Variants in NANS observed in about 807,000 individuals in gnomAD.
The protein encoded by NANS is N-acetylneuraminate-9-phosphate synthase.
In NANS, 29 loss-of-function variants were observed where a neutral mutation model predicts 33.3. The observed-to-expected ratio is 0.87, with a 90% confidence interval of 0.65 to 1.19. The LOEUF (loss-of-function observed/expected upper bound fraction) is 1.19. Ranked by LOEUF, NANS falls within the 50% of genes most tolerant of loss-of-function variation. The pLI is 0.00. For synonymous variants in NANS, 163 were observed against 177.2 expected, an observed-to-expected ratio of 0.92 and a Z score of 0.64; for missense variants, 394 against 461.1, an observed-to-expected ratio of 0.85 and a Z score of 1.33.
chr9:98,068,360 G>A (rs1275007489), intron 2 of NANS, among the ~76,000 whole-genome samples: 4 of 151,522 alleles, frequency 2.6e-5, no homozygotes, highest in South Asian at 4.2e-4. Context: ...GGCTGGTCTC[G>A]AACTCCTGAT....
chr9:98,077,143 A>G, intron 3 of NANS, 126 bp downstream of exon 3: 1 of 712,582 alleles, frequency 1.4e-6, no homozygotes, highest in South Asian at 2.0e-5. Context: ...CATTTTTTTA[A>G]ATAGAGATAG....
chr9:98,077,090 C>T (rs1423566409), intron 3 of NANS, 73 bp downstream of exon 3: 3 of 1,080,850 alleles, frequency 2.8e-6, no homozygotes, highest in Non-Finnish European at 4.0e-6. Context: ...TCATGGTGGC[C>T]CACTTTCAGC....
At chr9:98,082,475 T>C (rs532119211) in intron 5 of NANS, among the ~76,000 whole-genome samples, 1 of 152,366 alleles carries the variant, frequency 6.6e-6, no homozygotes, top group South Asian at 2.1e-4. Flanking sequence ...GAGCATTCTA[T>C]GTTCCACGTA....
chr9:98,058,050 G>A (rs986976123), intron 1 of NANS, among the ~76,000 whole-genome samples: 1 of 150,218 alleles, frequency 6.7e-6, no homozygotes, highest in African/African-American at 2.5e-5. Flanking sequence ...AGCCTCCCGA[G>A]TAGCTGGGAC....
intron 1 of NANS, among the ~76,000 whole-genome samples, chr9:98,057,921 G>GTTTTTT (rs1491129722): frequency 2.3e-5 from 2 of 87,476 alleles, no homozygotes; most frequent in Admixed American, 2.6e-4. Context: ...TTTTTTTCCT[G>GTTTTTT]GTTTTTTTTT....
At chr9:98,082,751 T>G in intron 5 of NANS, 95 bp from the exon 6 acceptor site, 1 of 1,205,576 alleles carries the variant, frequency 8.3e-7, no homozygotes, top group South Asian at 1.4e-5. Context: ...AGGTACTGCC[T>G]GGGGAAGACT....
Position 98,064,500 on chromosome 9 carries a change from C to T in NANS, c.348+3503C>T, listed in dbSNP as rs980684182. 4.2e-4 allele frequency among the ~76,000 whole-genome samples: 64 copies of T among 152,150 alleles called. 2 individuals carry two copies. The highest frequency in any genetic ancestry group is 1.3e-4 in the Non-Finnish European group (9 of 68,022). On this transcript the variant is annotated intron_variant, in intron 2 of 5. Transcript: ENST00000210444. ...TGAACTCCTGACCTTCAGTGATCCG[C>T]CTGCCTCGGCCTCCCAAAGTTCTGG...
chr9:98,071,322 G>C (rs1165040119), intron 2 of NANS, among the ~76,000 whole-genome samples: 3 of 152,206 alleles, frequency 2.0e-5, no homozygotes, highest in Admixed American at 6.5e-5. Flanking sequence ...CCATACCCGG[G>C]CTATATGGCC....
intron 2 of NANS, among the ~76,000 whole-genome samples, chr9:98,070,297 T>G (rs1418507242): frequency 6.6e-6 from 1 of 152,136 alleles, no homozygotes; most frequent in Non-Finnish European, 1.5e-5. Context: ...TTTGTATTTT[T>G]AGTAGAGACG....
intron 2 of NANS, chr9:98,075,533 C>T (rs918152923): frequency 2.6e-5 from 4 of 151,780 alleles, no homozygotes; most frequent in Non-Finnish European, 4.4e-5. Flanking sequence ...GTCGGTCCGT[C>T]GGTCCTAGAC....
At chr9:98,062,306 G>A (rs1829006855) in intron 2 of NANS, among the ~76,000 whole-genome samples, 1 of 151,984 alleles carries the variant, frequency 6.6e-6, no homozygotes, top group Admixed American at 6.6e-5. Flanking sequence ...CACTGGCACT[G>A]TCCAGAAGGG....
intron 5 of NANS, 59 bp from the exon 6 acceptor site, chr9:98,082,787 A>T (rs1431268367): frequency 1.8e-5 from 27 of 1,533,082 alleles, no homozygotes; most frequent in Non-Finnish European, 2.3e-5. Context: ...GTGTAAAGTA[A>T]AGTAGTGTGC....
intron 2 of NANS, among the ~76,000 whole-genome samples, chr9:98,071,401 G>A (rs1564160452): frequency 6.6e-6 from 1 of 152,226 alleles, no homozygotes; most frequent in Non-Finnish European, 1.5e-5. Flanking sequence ...GTTATTTTTG[G>A]TATATCCATG....
chr9:98,069,297 G>A (rs145156141), intron 2 of NANS: 7,273 of 150,994 alleles, frequency 0.048, 264 homozygotes, highest in South Asian at 0.09. Context: ...TTTTTGAAAC[G>A]GAGTCTCACT....
At chr9:98,081,269 A>T in intron 5 of NANS, 187 bp downstream of exon 5, 1 of 724,608 alleles carries the variant, frequency 1.4e-6, no homozygotes, top group South Asian at 1.9e-5. Context: ...GGCCTGTAGC[A>T]GCAGCAGGAG....
chr9:98,082,991 T>TCTTCAACAG lies in NANS; in HGVS notation c.1016_1017insCTTCAACAG (p.Val339_Glu340insPheAsnSer). On this transcript the variant is annotated inframe_insertion, in exon 6 of 6. Coordinates refer to ENST00000210444, the MANE Select transcript of NANS (RefSeq NM_018946.4). Reference sequence around the variant, plus strand: ...GTGGGCAAGAAGGTCCTGGTCACTGTTGAAGAGGATGACACCATCATGGAA... The same window carrying TCTTCAACAG: ...GTGGGCAAGAAGGTCCTGGTCACTGTCTTCAACAGTGAAGAGGATGACACCATCATGGAA... The TCTTCAACAG allele has an allele frequency of 6.2e-7, 1 of 1,614,140 alleles. No individual in the cohort carries two copies. Among genetic ancestry groups the TCTTCAACAG allele is most frequent in the Non-Finnish European group, 8.5e-7 (1 of 1,180,018 alleles).
At position 98,076,853 on chromosome 9, in the gene NANS, T is replaced by C. The variant is rs111760450; in HGVS notation, c.349-65T>C. 1,974 of 1,313,196 alleles carry C rather than the reference T, an allele frequency of 1.5e-3. 15 individuals carry two copies. The African/African-American group carries it at 0.025, about 16-fold the overall frequency. The allele number at this position is 1,313,196 out of a possible 1,614,324, so 81.3% of individuals were successfully genotyped here. ...GTTTTTCTACTTGTATGTTATTCCT[T>C]GCCTGTCATAACAACAGTGTTTTTG... On this transcript the variant is annotated intron_variant, in intron 2 of 5. Transcript: ENST00000210444.
At chr9:98,071,223 CTGTA>C (rs1829326492) in intron 2 of NANS, among the ~76,000 whole-genome samples, 1 of 152,232 alleles carries the variant, frequency 6.6e-6, no homozygotes, top group South Asian at 2.1e-4. Flanking sequence ...GATGGCACGA[CTGTA>C]TGGTACACAC....
At chr9:98,065,986 T>C (rs1256096645) in intron 2 of NANS, among the ~76,000 whole-genome samples, 6 of 152,134 alleles carry the variant, frequency 3.9e-5, no homozygotes, top group Non-Finnish European at 7.3e-5. Context: ...CCCAGAGTAA[T>C]CACTTTGAGA....
Sources: allele counts gnomAD v4.1 joint callset (sites outside exome capture counted in the v4.1 genomes callset), GRCh38; gene constraint gnomAD v4.1.1; transcripts MANE v1.5; gene names NCBI Gene and HGNC (gene_info 2026-07-23, HGNC 2026-07-21).